NCALD: variants seen among roughly 807,000 people sequenced by gnomAD.
NCALD encodes neurocalcin-delta.
NCALD carries 10 observed loss-of-function variants against 18.6 expected under a neutral mutation model. That is an observed-to-expected ratio of 0.54 (90% confidence interval 0.33 to 0.91). NCALD has a LOEUF of 0.91. Among genes scored for constraint, NCALD ranks in the 40% least tolerant of loss-of-function variants. The probability of loss-of-function intolerance (pLI) is 0.03; values close to 1 mark genes in which losing one functional copy is unlikely to be tolerated. For missense variants in NCALD, 184 were observed against 247.6 expected (o/e 0.74, Z 1.72); for synonymous variants, 88 against 87.4 (o/e 1.01, Z -0.04).
intron 2 of NCALD, among the ~76,000 whole-genome samples, chr8:101,942,969 C>T (rs1289973094): frequency 6.6e-6 from 1 of 152,098 alleles, no homozygotes; most frequent in African/African-American, 2.4e-5. Flanking sequence ...GACTGCAGAG[C>T]CTCCTTCCCT....
chr8:101,870,907 C>CCA (rs1554649195), intron 4 of NCALD, among the ~76,000 whole-genome samples: 1 of 92,526 alleles, frequency 1.1e-5, no homozygotes, highest in Non-Finnish European at 2.1e-5. Context: ...ACCCCCCCCC[C>CCA]CCAAAAAAAG....
intron 1 of NCALD, among the ~76,000 whole-genome samples, chr8:101,777,441 A>G (rs528687228): frequency 1.8e-4 from 27 of 152,304 alleles, no homozygotes; most frequent in African/African-American, 6.5e-4. Context: ...AGTCCTGAAG[A>G]ATGATACAGT....
chr8:101,768,897 G>C (rs991627392), intron 1 of NCALD, among the ~76,000 whole-genome samples: 1 of 152,170 alleles, frequency 6.6e-6, no homozygotes, highest in African/African-American at 2.4e-5. Context: ...GGGAAAAAGG[G>C]ATTTTTGCAG....
chr8:101,762,062 A>G (rs1032015302), intron 1 of NCALD, among the ~76,000 whole-genome samples: 5 of 152,292 alleles, frequency 3.3e-5, no homozygotes, highest in African/African-American at 1.2e-4. Context: ...GAGATGAGAG[A>G]CAGCAAGAGA....
chr8:101,913,836 C>A (rs1817885206), intron 3 of NCALD, among the ~76,000 whole-genome samples: 1 of 152,176 alleles, frequency 6.6e-6, no homozygotes, highest in South Asian at 2.1e-4. Flanking sequence ...CCTGCCTTGG[C>A]CTCCCAAAGT....
At chr8:102,020,667 A>G (rs1266022802) in intron 1 of NCALD, among the ~76,000 whole-genome samples, 1 of 152,198 alleles carries the variant, frequency 6.6e-6, no homozygotes, top group Non-Finnish European at 1.5e-5. Context: ...AGTTTTGCAC[A>G]GTAGTCAGAG....
At chr8:101,796,640 TAAG>T (rs1044322122) in intron 4 of NCALD, among the ~76,000 whole-genome samples, 9 of 151,970 alleles carry the variant, frequency 5.9e-5, no homozygotes, top group African/African-American at 1.9e-4. Context: ...TGAAGCATGA[TAAG>T]AAGAATAGAA....
intron 1 of NCALD, among the ~76,000 whole-genome samples, chr8:102,098,058 G>C (rs748987014): frequency 7.2e-5 from 11 of 152,230 alleles, no homozygotes; most frequent in African/African-American, 1.9e-4. Flanking sequence ...AATAAGTATA[G>C]TCTGTGTTTG....
intron 4 of NCALD, among the ~76,000 whole-genome samples, chr8:101,881,930 C>T (rs1050097930): frequency 3.3e-5 from 5 of 152,096 alleles, no homozygotes; most frequent in African/African-American, 1.2e-4. Context: ...CAATACAAGG[C>T]TAAAACAGAG....
At chr8:102,016,894 G>A (rs1048164305) in intron 2 of NCALD, among the ~76,000 whole-genome samples, 1 of 152,066 alleles carries the variant, frequency 6.6e-6, no homozygotes, top group Non-Finnish European at 1.5e-5. Context: ...AAGAGAGATG[G>A]CCTGGATGTG....
intron 2 of NCALD, among the ~76,000 whole-genome samples, chr8:101,934,188 T>C (rs1265478762): frequency 6.6e-6 from 1 of 152,192 alleles, no homozygotes; most frequent in Non-Finnish European, 1.5e-5. Context: ...AGACTGCAGA[T>C]AATTTTTATT....
rs544203696 is a variant in NCALD at position 101,689,071 on chromosome 8, A to C, written c.*238T>G. 4 of 702,688 alleles carry C rather than the reference A, an allele frequency of 5.7e-6. No homozygotes were observed. Among genetic ancestry groups the C allele is most frequent in the Non-Finnish European group, 7.8e-6 (3 of 385,036 alleles). The allele number at this position is 702,688 out of a possible 1,614,324, so 43.5% of individuals were successfully genotyped here. A position where few individuals can be genotyped will look rare whatever the true frequency, so the allele number is the denominator to read the frequency against. The stretch of plus-strand genomic sequence containing the variant: ...ATAATAGTAACGATTAAAAATCATC[A>C]AACAATGAACACCACGAAGTCTGTC... On this transcript the variant is annotated 3_prime_UTR_variant, in exon 4 of 4. Transcript: ENST00000220931. This position sits in a 1 kb window ranked among gnomAD's most constrained non-coding sequence, Gnocchi z 4.4.
At chr8:101,921,950 A>ATTT (rs56034254) in intron 2 of NCALD, among the ~76,000 whole-genome samples, 8 of 145,942 alleles carry the variant, frequency 5.5e-5, no homozygotes, top group African/African-American at 2.0e-4. Flanking sequence ...TGAAAAGTAC[A>ATTT]TTTTTTTTTT....
At chr8:101,866,849 G>A (rs548095050) in intron 4 of NCALD, among the ~76,000 whole-genome samples, 2 of 152,068 alleles carry the variant, frequency 1.3e-5, no homozygotes, top group East Asian at 1.9e-4. Context: ...TTCAGAATGC[G>A]GCAGCCAGAG....
At chr8:102,010,497 A>G (rs1821869505) in intron 2 of NCALD, among the ~76,000 whole-genome samples, 1 of 152,202 alleles carries the variant, frequency 6.6e-6, no homozygotes, top group Non-Finnish European at 1.5e-5. Flanking sequence ...TCAACTATAA[A>G]AGTCTTTCAT....
rs544200663 is a variant in NCALD, at chr8:101,695,551, T to G, written c.379-2655A>C. ...TTCTTCTCTCACCTGAGTGCTCACC[T>G]ACCCCATCTCCCCTCCTCCTTGGAC... On this transcript the variant is annotated intron_variant, in intron 2 of 3. Coordinates refer to ENST00000220931, the MANE Select transcript of NCALD (RefSeq NM_032041.3). 7.9e-5 allele frequency among the ~76,000 whole-genome samples: 12 copies of G among 152,238 alleles called. No individual in the cohort carries two copies. The East Asian group carries it at 2.1e-3, about 27-fold the overall frequency.
At chr8:101,879,263 T>C (rs145805846) in intron 4 of NCALD, among the ~76,000 whole-genome samples, 17 of 152,228 alleles carry the variant, frequency 1.1e-4, no homozygotes, top group Non-Finnish European at 8.8e-5. Context: ...CTAAAGATGG[T>C]GTGTCTGGAG....
At chr8:101,802,348 C>T (rs1396250634) in intron 4 of NCALD, among the ~76,000 whole-genome samples, 1 of 152,028 alleles carries the variant, frequency 6.6e-6, no homozygotes, top group East Asian at 1.9e-4. Context: ...CGAGATACAA[C>T]GTTAAATTAA....
chr8:101,917,568 A>G (rs1818013347), intron 2 of NCALD, among the ~76,000 whole-genome samples: 1 of 151,534 alleles, frequency 6.6e-6, no homozygotes, highest in South Asian at 2.1e-4. Flanking sequence ...AGGATAAACA[A>G]GATTGATAGA....
Sources: allele counts gnomAD v4.1 joint callset (sites outside exome capture counted in the v4.1 genomes callset), GRCh38; gene constraint gnomAD v4.1.1; non-coding constraint Gnocchi (gnomAD v3.1); transcripts MANE v1.5; gene names NCBI Gene and HGNC (gene_info 2026-07-23, HGNC 2026-07-21).